The following APH1B variants were observed in gnomAD, a reference collection of about 807,000 sequenced individuals.
APH1B encodes aph-1B gamma-secretase subunit.
Under a neutral mutation model 28.2 loss-of-function variants are expected in APH1B, and 27 were observed. The ratio of observed to expected loss-of-function variants is 0.96; its 90% CI spans 0.70 to 1.32. The LOEUF is 1.32. Among genes scored for constraint, APH1B ranks in the 40% most tolerant of loss-of-function variants. The probability of loss-of-function intolerance (pLI) is 0.00; values close to 1 mark genes in which losing one functional copy is unlikely to be tolerated. For synonymous variants in APH1B, 141 were observed against 124.6 expected, an observed-to-expected ratio of 1.13 and a Z score of -0.88; for missense variants, 305 against 313.6, an observed-to-expected ratio of 0.97 and a Z score of 0.21.
chr15:63,280,776 GT>G (rs2038377946), intron 2 of APH1B, among the ~76,000 whole-genome samples: 1 of 152,184 alleles, frequency 6.6e-6, no homozygotes, highest in South Asian at 2.1e-4. Flanking sequence ...ATCTAGCTGT[GT>G]TTGAATGTTT....
intron 1 of APH1B, among the ~76,000 whole-genome samples, chr15:63,278,931 G>C (rs1438765175): frequency 1.3e-5 from 2 of 152,208 alleles, no homozygotes; most frequent in African/African-American, 4.8e-5. Context: ...ATTGAAAAAA[G>C]TAATTGTTGG....
chr15:63,297,113 G>A (rs1346963755), intron 4 of APH1B, among the ~76,000 whole-genome samples: 7 of 152,154 alleles, frequency 4.6e-5, no homozygotes, highest in Admixed American at 2.6e-4. Flanking sequence ...GAATTATTCC[G>A]CTTTCTGATT....
At chr15:63,286,035 A>G (rs1052146201) in intron 2 of APH1B, among the ~76,000 whole-genome samples, 1 of 152,236 alleles carries the variant, frequency 6.6e-6, no homozygotes, top group Non-Finnish European at 1.5e-5. Context: ...CAGCTTCTTT[A>G]ACAAATCGCT....
In APH1B at chr15:63,302,408, G is replaced by A. The variant is rs760354102; in HGVS notation, c.542G>A (p.Cys181Tyr). ...TGGGGCATTGTATTTTTTGATGGCTGTGAGAAGAAAAAGTGGGGCATCCTC... is the reference window on the plus strand; with the variant it reads ...TGGGGCATTGTATTTTTTGATGGCTATGAGAAGAAAAAGTGGGGCATCCTC... ...VFWGIVFFDG[C>Y]EKKKWGILLI... The change falls in exon 5 of 6, where the codon TGT becomes TAT. Residue 181 changes from cysteine to tyrosine, a missense_variant. Transcript: ENST00000261879. 1 of 1,614,032 alleles carries A rather than the reference G, an allele frequency of 6.2e-7. No individual in the cohort carries two copies. Among genetic ancestry groups the A allele is most frequent in the Non-Finnish European group, 8.5e-7 (1 of 1,179,986 alleles).
In APH1B at chr15:63,285,057, A is replaced by G. The variant is rs147142153; in HGVS notation, c.285-1501A>G. 2.6e-5 allele frequency among the ~76,000 whole-genome samples: 4 copies of G among 152,310 alleles called. No homozygotes were observed. In the East Asian group the frequency reaches 7.7e-4, roughly 29 times the overall value. The stretch of plus-strand genomic sequence containing the variant: ...TTTTAGTTGGTTACTGCTTCAGAGA[A>G]AGAAGATGGTCACTTAAATTTCTGG... On this transcript the variant is annotated intron_variant, in intron 2 of 5. Transcript: ENST00000261879.
chr15:63,292,252 T>C (rs2038513445), intron 4 of APH1B, among the ~76,000 whole-genome samples: 1 of 152,264 alleles, frequency 6.6e-6, no homozygotes, highest in Non-Finnish European at 1.5e-5. Flanking sequence ...CTGCAGTTCT[T>C]ATCCTTTTAT....
chr15:63,303,399 T>C (rs1410235125), intron 5 of APH1B, among the ~76,000 whole-genome samples: 2 of 152,222 alleles, frequency 1.3e-5, no homozygotes, highest in African/African-American at 4.8e-5. Flanking sequence ...GTTTGTGGGA[T>C]TCATCTTCAC....
At chr15:63,295,526 T>C (rs569729412) in intron 4 of APH1B, among the ~76,000 whole-genome samples, 1 of 152,378 alleles carries the variant, frequency 6.6e-6, no homozygotes, top group Non-Finnish European at 1.5e-5. Flanking sequence ...AAGAGCCTTC[T>C]CAGGATCAGT....
chr15:63,296,856 C>T (rs991376883), intron 4 of APH1B, among the ~76,000 whole-genome samples: 2 of 152,060 alleles, frequency 1.3e-5, no homozygotes, highest in South Asian at 2.1e-4. Flanking sequence ...GATGGGGTTT[C>T]ACCATGTAGG....
chr15:63,278,504 A>G, intron 1 of APH1B: 1 of 369,920 alleles, frequency 2.7e-6, no homozygotes, highest in East Asian at 7.4e-5. Flanking sequence ...CCACAAACGT[A>G]TTGAAAGTGC....
intron 2 of APH1B, among the ~76,000 whole-genome samples, chr15:63,284,327 C>A (rs2038423216): frequency 6.6e-6 from 1 of 151,880 alleles, no homozygotes; most frequent in Non-Finnish European, 1.5e-5. Flanking sequence ...CATCCTCCCA[C>A]CTCAGCCTCC....
chr15:63,277,886 C>T, intron 1 of APH1B, 150 bp downstream of exon 1: 1 of 765,950 alleles, frequency 1.3e-6, no homozygotes, highest in Non-Finnish European at 2.0e-6. Flanking sequence ...AGATCCGGCT[C>T]CCCAAAGGCG....
rs1171806869 is a variant in APH1B, at chr15:63,308,080, T to C, written c.*2299T>C. On this transcript the variant is annotated 3_prime_UTR_variant, in exon 6 of 6. Coordinates refer to ENST00000261879, the MANE Select transcript of APH1B (RefSeq NM_031301.4). ...GTCTTCCTCTGTTGCTGTACATATA[T>C]TGAAATGCTTTTTTTTTTTTATTTT... is the stretch of plus-strand genomic sequence containing the variant. 6.6e-6 allele frequency: 1 copy of C among 152,186 alleles called. No individual in the cohort carries two copies. The highest frequency in any genetic ancestry group is 1.5e-5 in the Non-Finnish European group (1 of 68,026). The allele number at this position is 152,186 out of a possible 1,614,324, so 9.4% of individuals were successfully genotyped here.
At chr15:63,284,621 T>G (rs964397720) in intron 2 of APH1B, among the ~76,000 whole-genome samples, 2 of 152,220 alleles carry the variant, frequency 1.3e-5, no homozygotes, top group African/African-American at 4.8e-5. Flanking sequence ...ATGACGTCAC[T>G]AGGCAATAGG....
At position 63,278,982 on chromosome 15, in the gene APH1B, G is replaced by A. The variant is rs572359510; in HGVS notation, c.114-179G>A. On this transcript the variant is annotated intron_variant, in intron 1 of 5. Coordinates refer to ENST00000261879, the MANE Select transcript of APH1B (RefSeq NM_031301.4). ...CTCTTGGACACGTTTGTCTCACCAA[G>A]GAAAATGCACCGTTAAGAACAACTG... Among the ~76,000 whole-genome samples, 3 of 152,228 alleles carry A rather than the reference G, an allele frequency of 2.0e-5. No homozygotes were observed. The East Asian group carries it at 5.8e-4, about 29-fold the overall frequency.
chr15:63,279,353 C>G, intron 2 of APH1B, 22 bp downstream of exon 2: 1 of 1,567,954 alleles, frequency 6.4e-7, no homozygotes, highest in Non-Finnish European at 8.7e-7. Context: ...ACCTGCCTTA[C>G]CTTTTTTTTC....
chr15:63,289,970 T>C (rs1183545674), intron 4 of APH1B, among the ~76,000 whole-genome samples: 1 of 151,178 alleles, frequency 6.6e-6, no homozygotes, highest in African/African-American at 2.4e-5. Flanking sequence ...CCCACTGCAA[T>C]CCAGCCTGAG....
chr15:63,289,602 G>A (rs1019002812), intron 4 of APH1B, among the ~76,000 whole-genome samples: 3 of 152,284 alleles, frequency 2.0e-5, no homozygotes, highest in Admixed American at 6.5e-5. Flanking sequence ...TGTGTGATGG[G>A]TCACAGTCAG....
At position 63,308,009 on chromosome 15, in the gene APH1B, T is replaced by C. The variant is rs1468461954; in HGVS notation, c.*2228T>C. ...TCAGCTTAGACACTGTTGTCGCAAA[T>C]AGCCATGCTTTGCCTTATGCCAAGG... On this transcript the variant is annotated 3_prime_UTR_variant, in exon 6 of 6. Transcript: ENST00000261879. The C allele has an allele frequency of 6.6e-6, 1 of 152,214 alleles. No homozygotes were observed. The highest frequency in any genetic ancestry group is 2.4e-5 in the African/African-American group (1 of 41,468). 9.4% of individuals were successfully genotyped at this position (152,214 alleles called of 1,614,324 possible).
Sources: gnomAD v4.1 joint callset for allele counts (sites outside exome capture counted in the v4.1 genomes callset) on GRCh38, gnomAD v4.1.1 for gene constraint, MANE v1.5 for transcripts, NCBI Gene and HGNC (gene_info 2026-07-23, HGNC 2026-07-21) for gene names.